UBE2E2: variants seen among roughly 807,000 people sequenced by gnomAD.
The protein encoded by UBE2E2 is ubiquitin-conjugating enzyme E2 E2.
In UBE2E2, 6 loss-of-function variants were observed where a neutral mutation model predicts 24.7. That is an observed-to-expected ratio of 0.24 (90% CI 0.13 to 0.48). The LOEUF is 0.48. UBE2E2 is among the 20% of genes least tolerant of loss of function. The pLI, the probability that UBE2E2 is intolerant of heterozygous loss-of-function variation, is 0.99. For missense variants in UBE2E2, 169 were observed against 245.0 expected (o/e 0.69, Z 2.07); for synonymous variants, 104 against 83.6 (o/e 1.24, Z -1.33).
chr3:23,562,296 CA>C (rs1225299764), intron 5 of UBE2E2, among the ~76,000 whole-genome samples: 2 of 152,106 alleles, frequency 1.3e-5, no homozygotes, highest in Admixed American at 6.5e-5. Context: ...TGAATTTTGT[CA>C]AAGGCCTTTT....
intron 4 of UBE2E2, among the ~76,000 whole-genome samples, chr3:23,523,184 A>T (rs1454867242): frequency 6.6e-6 from 1 of 152,190 alleles, no homozygotes; most frequent in African/African-American, 2.4e-5. Flanking sequence ...TAAATTGCAA[A>T]AGAAGGAATC....
intron 3 of UBE2E2, among the ~76,000 whole-genome samples, chr3:23,357,017 A>G (rs1037884833): frequency 6.6e-6 from 1 of 152,226 alleles, no homozygotes; most frequent in Non-Finnish European, 1.5e-5. Flanking sequence ...ATCTTGTGGC[A>G]CCATGATTGC....
At chr3:23,248,875 A>T (rs1697494321) in intron 3 of UBE2E2, among the ~76,000 whole-genome samples, 1 of 152,258 alleles carries the variant, frequency 6.6e-6, no homozygotes, top group South Asian at 2.1e-4. Flanking sequence ...CTAGAGGAAC[A>T]TTGGCTGTTT....
At chr3:23,468,220 T>TC (rs1698963702) in intron 3 of UBE2E2, among the ~76,000 whole-genome samples, 1 of 152,170 alleles carries the variant, frequency 6.6e-6, no homozygotes, top group Admixed American at 6.6e-5. Flanking sequence ...GCATCCTATT[T>TC]CCCCCTTTAT....
intron 3 of UBE2E2, among the ~76,000 whole-genome samples, chr3:23,489,905 G>A (rs1699460792): frequency 6.6e-6 from 1 of 152,126 alleles, no homozygotes; most frequent in South Asian, 2.1e-4. Context: ...TTTTTCCTAA[G>A]TATTCCTTTC....
chr3:23,570,219 C>G (rs1365661646), intron 5 of UBE2E2, among the ~76,000 whole-genome samples: 1 of 152,122 alleles, frequency 6.6e-6, no homozygotes, highest in Non-Finnish European at 1.5e-5. Context: ...GAACAGTGTC[C>G]CTTTACCTAA....
chr3:23,353,513 A>C (rs185436732), intron 3 of UBE2E2, among the ~76,000 whole-genome samples: 73 of 152,358 alleles, frequency 4.8e-4, no homozygotes, highest in Non-Finnish European at 7.6e-4. Context: ...AAATCTCCTT[A>C]AGCTGATAAG....
chr3:23,494,926 C>CA (rs1406456557), intron 3 of UBE2E2, among the ~76,000 whole-genome samples: 1 of 151,816 alleles, frequency 6.6e-6, no homozygotes, highest in African/African-American at 2.4e-5. Context: ...CGCCCACCAC[C>CA]ACACCTGGCA....
intron 3 of UBE2E2, among the ~76,000 whole-genome samples, chr3:23,252,412 A>G (rs895761274): frequency 6.6e-6 from 1 of 152,238 alleles, no homozygotes; most frequent in East Asian, 1.9e-4. Context: ...CTCTGCAGAC[A>G]ATGTGTATGA....
chr3:23,397,316 T>C (rs1047093684), intron 3 of UBE2E2, among the ~76,000 whole-genome samples: 2 of 152,352 alleles, frequency 1.3e-5, no homozygotes, highest in African/African-American at 2.4e-5. Context: ...TATGACAAGA[T>C]AGTGACTACA....
At chr3:23,531,666 G>A (rs940258765) in intron 4 of UBE2E2, among the ~76,000 whole-genome samples, 4 of 152,162 alleles carry the variant, frequency 2.6e-5, no homozygotes, top group Admixed American at 2.6e-4. Context: ...ATTGTAACTA[G>A]TAATATAACT....
intron 3 of UBE2E2, among the ~76,000 whole-genome samples, chr3:23,337,350 A>G (rs901535779): frequency 2.0e-5 from 3 of 152,284 alleles, no homozygotes; most frequent in East Asian, 1.9e-4. Flanking sequence ...TCATTTAGGC[A>G]TTCATTCAGT....
intron 4 of UBE2E2, among the ~76,000 whole-genome samples, chr3:23,511,901 A>C (rs927121686): frequency 2.0e-5 from 3 of 152,220 alleles, no homozygotes; most frequent in Non-Finnish European, 4.4e-5. Flanking sequence ...AATAAGTCAA[A>C]ATAATTACCT....
chr3:23,275,710 C>A (rs1698360931), intron 3 of UBE2E2, among the ~76,000 whole-genome samples: 1 of 151,946 alleles, frequency 6.6e-6, no homozygotes. Context: ...AAAAAGAAAT[C>A]CATGATCATA....
intron 4 of UBE2E2, among the ~76,000 whole-genome samples, chr3:23,503,352 G>A (rs1694333272): frequency 7.0e-6 from 1 of 143,212 alleles, no homozygotes; most frequent in African/African-American, 3.0e-5. Flanking sequence ...ACCACACTCG[G>A]CCTATTTTTT....
intron 3 of UBE2E2, among the ~76,000 whole-genome samples, chr3:23,313,058 G>C (rs917585907): frequency 1.3e-5 from 2 of 152,160 alleles, no homozygotes; most frequent in Non-Finnish European, 2.9e-5. Context: ...GGAGTACACA[G>C]CGTATTCTGC....
intron 4 of UBE2E2, among the ~76,000 whole-genome samples, chr3:23,500,959 T>A (rs1393279131): frequency 6.6e-6 from 1 of 152,202 alleles, no homozygotes; most frequent in Non-Finnish European, 1.5e-5. Context: ...CTGGTGGCAC[T>A]GGTGACCACC....
intron 5 of UBE2E2, among the ~76,000 whole-genome samples, chr3:23,588,065 A>T (rs955051595): frequency 6.6e-6 from 1 of 152,226 alleles, no homozygotes; most frequent in Non-Finnish European, 1.5e-5. Context: ...TGTTTCTATT[A>T]TACCTTTCAT....
intron 3 of UBE2E2, among the ~76,000 whole-genome samples, chr3:23,427,730 A>G (rs548499169): frequency 1.3e-5 from 2 of 152,350 alleles, no homozygotes; most frequent in African/African-American, 4.8e-5. Flanking sequence ...GGAAAGATAT[A>G]CTATGCTAAC....
Sources: gnomAD v4.1 joint callset for allele counts (sites outside exome capture counted in the v4.1 genomes callset) on GRCh38, gnomAD v4.1.1 for gene constraint, MANE v1.5 for transcripts, NCBI Gene and HGNC (gene_info 2026-07-23, HGNC 2026-07-21) for gene names.